MEIOSIN: variants seen among roughly 807,000 people sequenced by gnomAD.
MEIOSIN encodes meiosis initiator, also known as meiosis initiator protein.
A neutral mutation model predicts 23.4 loss-of-function variants in MEIOSIN; 18 were observed. The ratio of observed to expected loss-of-function variants is 0.77; its 90% CI spans 0.53 to 1.14. The LOEUF is 1.14. Among genes scored for constraint, MEIOSIN ranks in the 50% most tolerant of loss-of-function variants. The pLI is 0.00. For synonymous variants in MEIOSIN, 187 were observed against 100.6 expected (o/e 1.86, Z -5.14); for missense variants, 428 against 242.9 (o/e 1.76, Z -5.07).
At chr19:45,747,266 C>A (rs567531935) in intron 4 of MEIOSIN, among the ~76,000 whole-genome samples, 6 of 152,178 alleles carry the variant, frequency 3.9e-5, no homozygotes, top group Admixed American at 1.3e-4. Flanking sequence ...ACCCGCATCC[C>A]GGGGCCGTGG....
In MEIOSIN at chr19:45,763,338, A is replaced by G. The variant is rs777831956; in HGVS notation, c.1680A>G (p.Arg560=). ...TACCTCCTCCTCCTTCCTGTCCCAG[A>G]TCCTGCCCTGGAACCGCTTCCACAG... The part of the protein sequence containing the change: ...FCRMNRKQYI[R]SCPGTASTAA... The change falls in exon 14 of 15, where the codon CGA becomes CGG. Residue 560 remains arginine, a splice_region_variant and synonymous_variant. Coordinates refer to ENST00000457052, the MANE Select transcript of MEIOSIN (RefSeq NM_001310124.2). 1 of 398,716 alleles carries G rather than the reference A, an allele frequency of 2.5e-6. No homozygotes were observed. The highest frequency in any genetic ancestry group is 2.1e-5 in the African/African-American group (1 of 48,600). The allele number at this position is 398,716 out of a possible 1,614,324, so 24.7% of individuals were successfully genotyped here.
At chr19:45,748,033 G>A (rs897906507) in intron 4 of MEIOSIN, among the ~76,000 whole-genome samples, 4 of 151,998 alleles carry the variant, frequency 2.6e-5, no homozygotes, top group East Asian at 1.9e-4. Context: ...GCAATGAGTC[G>A]AGATCATACC....
At chr19:45,754,294 G>T (rs371568429) in intron 6 of MEIOSIN, among the ~76,000 whole-genome samples, 185 bp from the exon 7 acceptor site, 1 of 152,128 alleles carries the variant, frequency 6.6e-6, no homozygotes, top group African/African-American at 2.4e-5. Flanking sequence ...TTTAAAGGTC[G>T]CAAGATGATT....
intron 4 of MEIOSIN, among the ~76,000 whole-genome samples, chr19:45,746,047 CAG>C (rs1968590242): frequency 6.6e-6 from 1 of 152,216 alleles, no homozygotes; most frequent in African/African-American, 2.4e-5. Context: ...CAGCTCACTG[CAG>C]CCTCTGCTTC....
chr19:45,753,912 T>A (rs1375891330), intron 6 of MEIOSIN, 124 bp downstream of exon 6: 1 of 602,272 alleles, frequency 1.7e-6, no homozygotes, highest in Non-Finnish European at 3.0e-6. Context: ...AACTCCCAGC[T>A]CCTCCTTGTA....
intron 4 of MEIOSIN, among the ~76,000 whole-genome samples, chr19:45,750,154 G>A (rs1425150068): frequency 1.4e-5 from 2 of 142,624 alleles, no homozygotes; most frequent in South Asian, 2.3e-4. Context: ...TTCTTCAGTC[G>A]GCAGAGACCT....
At chr19:45,754,358 T>C in intron 6 of MEIOSIN, 121 bp from the exon 7 acceptor site, 3 of 607,114 alleles carry the variant, frequency 4.9e-6, no homozygotes, top group Non-Finnish European at 8.8e-6. Flanking sequence ...GATCTGGGCA[T>C]TCCCATACCA....
intron 4 of MEIOSIN, among the ~76,000 whole-genome samples, chr19:45,745,927 T>G (rs543781526): frequency 6.6e-6 from 1 of 152,122 alleles, no homozygotes. Context: ...TCTCAGTGGC[T>G]TTTTCACTTG....
At chr19:45,736,706 C>G (rs1425883071) in intron 2 of MEIOSIN, among the ~76,000 whole-genome samples, 1 of 151,706 alleles carries the variant, frequency 6.6e-6, no homozygotes, top group African/African-American at 2.4e-5. Context: ...GTAGCTGGGA[C>G]TACAGGCGCC....
At chr19:45,753,027 G>A (rs894417929) in intron 5 of MEIOSIN, among the ~76,000 whole-genome samples, 4 of 149,218 alleles carry the variant, frequency 2.7e-5, no homozygotes, top group Non-Finnish European at 1.5e-5. Flanking sequence ...GGGTTCAAGC[G>A]ATTCTCCTGC....
chr19:45,756,291 T>C (rs1968828441), intron 8 of MEIOSIN, among the ~76,000 whole-genome samples: 1 of 152,246 alleles, frequency 6.6e-6, no homozygotes, highest in Non-Finnish European at 1.5e-5. Flanking sequence ...CCAGTCTCTT[T>C]GCCTCACCTG....
At chr19:45,752,360 C>T (rs560789702) in intron 5 of MEIOSIN, among the ~76,000 whole-genome samples, 18 of 152,096 alleles carry the variant, frequency 1.2e-4, no homozygotes, top group Non-Finnish European at 2.4e-4. Context: ...GGACTACAGG[C>T]GCCCGCCACC....
intron 5 of MEIOSIN, 36 bp from the exon 6 acceptor site, chr19:45,753,615 G>A: frequency 1.5e-6 from 1 of 684,388 alleles, no homozygotes; most frequent in Non-Finnish European, 2.7e-6. Flanking sequence ...CAGATGGGGT[G>A]GGGGATCTGA....
rs768477198 is a variant in MEIOSIN at position 45,739,677 on chromosome 19, C to T, written c.123C>T (p.Ser41=). 1.3e-5 allele frequency: 9 copies of T among 703,264 alleles called. No homozygotes were observed. Among genetic ancestry groups the T allele is most frequent in the East Asian group, 5.4e-5 (2 of 37,302 alleles). The allele number at this position is 703,264 out of a possible 1,614,324, so 43.6% of individuals were successfully genotyped here. Residue 41 remains serine, a synonymous_variant, in exon 3 of 15, where the codon TCC becomes TCT. Coordinates refer to ENST00000457052, the MANE Select transcript of MEIOSIN (RefSeq NM_001310124.2). ...AAGGGGAAGATAAGGTCAACCCCTC[C>T]GAACCACATGGACTGAGAATGGAGG... ...LVEGEDKVNP[S]EPHGLRMEEK... is the part of the protein sequence containing the mutation.
In MEIOSIN at chr19:45,756,097, C is replaced by T. The variant is rs777571302; in HGVS notation, c.911+19C>T. 5.6e-5 allele frequency: 39 copies of T among 702,206 alleles called. No individual in the cohort carries two copies. The South Asian group carries it at 5.6e-4, about 10-fold the overall frequency. 43.5% of individuals were successfully genotyped at this position (702,206 alleles called of 1,614,324 possible). The stretch of plus-strand genomic sequence containing the variant: ...ATCCCAGGTAAGGGCGTCCCCAGGG[C>T]ACTGAGTGAGTGGTGCTGAGGGGTT... On this transcript the variant is annotated intron_variant, in intron 8 of 14. Coordinates refer to ENST00000457052, the MANE Select transcript of MEIOSIN (RefSeq NM_001310124.2).
chr19:45,735,090 C>T (rs1050248997), intron 1 of MEIOSIN, among the ~76,000 whole-genome samples: 1 of 150,252 alleles, frequency 6.7e-6, no homozygotes, highest in Non-Finnish European at 1.5e-5. Context: ...GATGGGGTTT[C>T]ACCATGTTGG....
At chr19:45,744,763 G>A (rs1375423984) in intron 3 of MEIOSIN, among the ~76,000 whole-genome samples, 2 of 152,094 alleles carry the variant, frequency 1.3e-5, no homozygotes, top group African/African-American at 4.8e-5. Flanking sequence ...ATCAGCCACT[G>A]CACCCACCCC....
intron 7 of MEIOSIN, 27 bp from the exon 8 acceptor site, chr19:45,755,943 G>T: frequency 1.4e-6 from 1 of 699,292 alleles, no homozygotes; most frequent in Non-Finnish European, 2.6e-6. Flanking sequence ...CAGTCCCCAG[G>T]CATGGTCATC....
chr19:45,749,262 C>T (rs1968647180), intron 4 of MEIOSIN, among the ~76,000 whole-genome samples: 1 of 149,952 alleles, frequency 6.7e-6, no homozygotes, highest in African/African-American at 2.5e-5. Context: ...GTCCCAGCTA[C>T]TTGTGGGGCT....
Sources: allele counts gnomAD v4.1 joint callset (sites outside exome capture counted in the v4.1 genomes callset), GRCh38; gene constraint gnomAD v4.1.1; transcripts MANE v1.5; gene names NCBI Gene and HGNC (gene_info 2026-07-23, HGNC 2026-07-21).